The following NPSR1 variants were observed in gnomAD, a reference collection of about 807,000 sequenced individuals.
NPSR1 encodes neuropeptide S receptor.
NPSR1 carries 48 observed loss-of-function variants against 46.9 expected under a neutral mutation model. The observed-to-expected ratio is 1.02, with a 90% CI of 0.81 to 1.30. NPSR1 has a LOEUF of 1.30. NPSR1 is among the 50% of genes most tolerant of loss of function. NPSR1 has a pLI of 0.00. For missense variants in NPSR1, 450 were observed against 449.5 expected, an observed-to-expected ratio of 1.00 and a Z score of -0.01; for synonymous variants, 176 against 168.1, an observed-to-expected ratio of 1.05 and a Z score of -0.36.
intron 2 of NPSR1, among the ~76,000 whole-genome samples, chr7:34,717,236 G>A (rs963956020): frequency 1.3e-5 from 2 of 152,108 alleles, no homozygotes; most frequent in African/African-American, 4.8e-5. Flanking sequence ...GGGTTCAAGC[G>A]ATTCTCCTGC....
intron 3 of NPSR1, among the ~76,000 whole-genome samples, chr7:34,803,923 G>C (rs1788560765): frequency 6.6e-6 from 1 of 151,878 alleles, no homozygotes; most frequent in Non-Finnish European, 1.5e-5. Flanking sequence ...TCCTTGAAAA[G>C]CTCAATCTGC....
At chr7:34,750,145 A>G (rs541693955) in intron 2 of NPSR1, 5 of 278,758 alleles carry the variant, frequency 1.8e-5, no homozygotes, top group Non-Finnish European at 3.3e-5. Context: ...TTTTTTTTCA[A>G]AAAAGGAGAC....
At chr7:34,788,206 G>A (rs956063231) in intron 3 of NPSR1, among the ~76,000 whole-genome samples, 5 of 151,870 alleles carry the variant, frequency 3.3e-5, no homozygotes, top group Admixed American at 2.0e-4. Context: ...AAAATCGCTC[G>A]TTATAAGACA....
At chr7:34,781,827 A>T (rs1317447205) in intron 3 of NPSR1, among the ~76,000 whole-genome samples, 1 of 152,120 alleles carries the variant, frequency 6.6e-6, no homozygotes, top group African/African-American at 2.4e-5. Flanking sequence ...CACAGCCAGC[A>T]CCATAGTAAG....
Position 34,658,458 on chromosome 7 carries a change from G to C in NPSR1, c.46G>C (p.Gly16Arg), listed in dbSNP as rs769897360. The change falls in exon 1 of 9, where the codon GGG (glycine) becomes CGG (arginine). Residue 16 changes from glycine to arginine, a missense_variant. By Grantham distance (125) the Gly-to-Arg change is moderately radical (BLOSUM62 -2). Transcript: ENST00000360581. ...TEGSFDSSGT[G>R]QTLDSSPVAC... ...GGGCAGCTTCGATTCCAGTGGGACC[G>C]GGCAGACGCTGGATTCTTCCCCAGT... 6.2e-7 allele frequency: 1 copy of C among 1,614,122 alleles called. No individual in the cohort carries two copies. The highest frequency in any genetic ancestry group is 2.2e-5 in the East Asian group (1 of 44,876).
At chr7:34,829,463 G>A (rs2128757336) in intron 5 of NPSR1, among the ~76,000 whole-genome samples, 1 of 152,376 alleles carries the variant, frequency 6.6e-6, no homozygotes, top group East Asian at 1.9e-4. Flanking sequence ...AGAGGAGACA[G>A]GCAAGTGAGC....
intron 1 of NPSR1, among the ~76,000 whole-genome samples, chr7:34,665,881 C>T (rs1472321499): frequency 1.3e-5 from 2 of 152,264 alleles, no homozygotes; most frequent in Non-Finnish European, 2.9e-5. Context: ...CATGCCCACA[C>T]ACACACAGAC....
At chr7:34,693,575 C>T (rs1011500474) in intron 2 of NPSR1, among the ~76,000 whole-genome samples, 3 of 152,180 alleles carry the variant, frequency 2.0e-5, no homozygotes, top group African/African-American at 7.2e-5. Flanking sequence ...CAAAGAAAAG[C>T]TGGTACCAAT....
chr7:34,791,242 T>A (rs1166937366), intron 3 of NPSR1, among the ~76,000 whole-genome samples: 31 of 132,708 alleles, frequency 2.3e-4, no homozygotes, highest in Admixed American at 4.0e-4. Context: ...ATATTATATA[T>A]GTTATATGTT....
chr7:34,749,792 T>C (rs943692548), intron 2 of NPSR1, among the ~76,000 whole-genome samples: 1 of 152,210 alleles, frequency 6.6e-6, no homozygotes, highest in African/African-American at 2.4e-5. Flanking sequence ...TGATGAGAAA[T>C]TTCCATTCTA....
In NPSR1 at chr7:34,779,620, A is replaced by C. The variant is rs55797048; in HGVS notation, c.384+1055A>C. On this transcript the variant is annotated intron_variant, in intron 3 of 8. Transcript: ENST00000360581. Reference sequence around the variant, plus strand: ...AATCTTCTTTTGTGCTCTGAATATAACCTTGAAAGTTTGGTATGTCTGAAA... The same window carrying C: ...AATCTTCTTTTGTGCTCTGAATATACCCTTGAAAGTTTGGTATGTCTGAAA... 23,297 of 1,232,850 alleles carry C rather than the reference A, an allele frequency of 0.019. 1,694 individuals are homozygous for C. In the African/African-American group the frequency reaches 0.22, roughly 12 times the overall value. The allele number at this position is 1,232,850 out of a possible 1,614,324, so 76.4% of individuals were successfully genotyped here. A position where few individuals can be genotyped will look rare whatever the true frequency, so the allele number is the denominator to read the frequency against.
intron 2 of NPSR1, among the ~76,000 whole-genome samples, chr7:34,742,137 C>A (rs1211296417): frequency 6.6e-6 from 1 of 151,270 alleles, no homozygotes; most frequent in Non-Finnish European, 1.5e-5. Flanking sequence ...CATCATCTCA[C>A]AAATTATAAT....
intron 4 of NPSR1, among the ~76,000 whole-genome samples, chr7:34,815,965 C>T (rs1789227788): frequency 6.6e-6 from 1 of 152,136 alleles, no homozygotes; most frequent in Non-Finnish European, 1.5e-5. Flanking sequence ...CAAAAACATG[C>T]CAAATTGTAA....
At chr7:34,663,071 G>GTGTGTGTGTGTGTGTGTGTT (rs1791547343) in intron 1 of NPSR1, among the ~76,000 whole-genome samples, 3 of 45,800 alleles carry the variant, frequency 6.6e-5, no homozygotes, top group African/African-American at 5.2e-4. Context: ...CTCTCTCTGT[G>GTGTGTGTGTGTGTGTGTGTT]TGTGTGTGTG....
intron 7 of NPSR1, among the ~76,000 whole-genome samples, chr7:34,846,161 C>T (rs918065907): frequency 6.6e-5 from 10 of 152,300 alleles, no homozygotes; most frequent in Middle Eastern, 3.4e-3. Flanking sequence ...TCTGTCTTCT[C>T]AGATAGTCAG....
chr7:34,715,948 C>T (rs902335647), intron 2 of NPSR1, among the ~76,000 whole-genome samples: 8 of 151,612 alleles, frequency 5.3e-5, no homozygotes, highest in Non-Finnish European at 1.0e-4. Flanking sequence ...AGAAGAAAGT[C>T]GAGGGAAGAT....
At chr7:34,746,133 C>A (rs1785193384) in intron 2 of NPSR1, among the ~76,000 whole-genome samples, 1 of 152,194 alleles carries the variant, frequency 6.6e-6, no homozygotes, top group African/African-American at 2.4e-5. Context: ...GTTTCTACCT[C>A]AATACCAACC....
intron 3 of NPSR1, among the ~76,000 whole-genome samples, chr7:34,780,706 C>T (rs1233267321): frequency 6.6e-6 from 1 of 152,112 alleles, no homozygotes; most frequent in Non-Finnish European, 1.5e-5. Context: ...ATAGTGAAAA[C>T]AAATTGTCTG....
chr7:34,795,189 A>T lies in NPSR1; in HGVS notation c.385-16581A>T, dbSNP rs185529388. Among the ~76,000 whole-genome samples, 242 of 152,350 alleles carry T rather than the reference A, an allele frequency of 1.6e-3. 1 individual carries two copies. The highest frequency in any genetic ancestry group is 4.2e-3 in the African/African-American group (174 of 41,596). Reference sequence around the variant, plus strand: ...CACAAGATTATAACAACAGATTTTTAAAAAGTGTTTAACAAATTACAACAC... The same window carrying T: ...CACAAGATTATAACAACAGATTTTTTAAAAGTGTTTAACAAATTACAACAC... On this transcript the variant is annotated intron_variant, in intron 3 of 8. Transcript: ENST00000360581.
Sources: gnomAD v4.1 joint callset for allele counts (sites outside exome capture counted in the v4.1 genomes callset) on GRCh38, gnomAD v4.1.1 for gene constraint, MANE v1.5 for transcripts, NCBI Gene and HGNC (gene_info 2026-07-23, HGNC 2026-07-21) for gene names.